Variants in GALNT13 observed in about 807,000 individuals in gnomAD.
GALNT13 encodes the protein UDP-GalNAc:polypeptide N-acetylgalactosaminyltransferase 13.
In GALNT13, 28 loss-of-function variants were observed where a neutral mutation model predicts 64.2. The observed-to-expected ratio is 0.44, with a 90% CI of 0.32 to 0.60. The LOEUF is 0.60. Ranked by LOEUF, GALNT13 falls within the 20% of genes least tolerant of loss-of-function variation. The pLI, the probability that GALNT13 is intolerant of heterozygous loss-of-function variation, is 0.05. For missense variants in GALNT13, 577 were observed against 669.8 expected (o/e 0.86, Z 1.53); for synonymous variants, 214 against 224.6 (o/e 0.95, Z 0.42).
the GALNT13 span, chr2:153,208,007 C>T: frequency 6.6e-6 from 1 of 152,034 alleles, no homozygotes; most frequent in Non-Finnish European, 1.5e-5. Flanking sequence ...AGTAGACATT[C>T]TTAAGGAACA....
intron 4 of GALNT13, among the ~76,000 whole-genome samples, chr2:154,171,531 T>C (rs954936941): frequency 3.9e-5 from 6 of 152,124 alleles, no homozygotes; most frequent in African/African-American, 1.4e-4. Flanking sequence ...AAGAGGTTAC[T>C]TGACTTGCCT....
chr2:153,412,331 CAGTT>C, the GALNT13 span, among the ~76,000 whole-genome samples: 37 of 152,272 alleles, frequency 2.4e-4, 1 homozygote, highest in Middle Eastern at 3.4e-3. Context: ...TCAAATATGT[CAGTT>C]AGCCTCTTTG....
chr2:153,127,247 G>C, the GALNT13 span, among the ~76,000 whole-genome samples: 1 of 152,082 alleles, frequency 6.6e-6, no homozygotes, highest in African/African-American at 2.4e-5. Flanking sequence ...GCTTACTAGA[G>C]TTCCTGAACC....
At chr2:154,315,820 G>C (rs555248200) in intron 9 of GALNT13, among the ~76,000 whole-genome samples, 1 of 152,272 alleles carries the variant, frequency 6.6e-6, no homozygotes, top group Non-Finnish European at 1.5e-5. Context: ...ACTGAATTAA[G>C]ATATATTCTA....
intron 3 of GALNT13, among the ~76,000 whole-genome samples, chr2:154,086,555 A>G (rs1701538345): frequency 6.6e-6 from 1 of 151,662 alleles, no homozygotes; most frequent in Non-Finnish European, 1.5e-5. Flanking sequence ...TTTTGATTGT[A>G]TGCATTTTTA....
the GALNT13 span, among the ~76,000 whole-genome samples, chr2:153,282,533 G>A: frequency 1.3e-5 from 2 of 152,094 alleles, no homozygotes; most frequent in Non-Finnish European, 2.9e-5. Context: ...TCCCACTTCA[G>A]CCTCCCAACT....
the GALNT13 span, among the ~76,000 whole-genome samples, chr2:153,811,424 A>G: frequency 6.6e-6 from 1 of 152,224 alleles, no homozygotes; most frequent in South Asian, 2.1e-4. Context: ...TCAAATTTAA[A>G]GTGTAATCAT....
At chr2:153,339,133 A>G in the GALNT13 span, among the ~76,000 whole-genome samples, 1 of 152,244 alleles carries the variant, frequency 6.6e-6, no homozygotes, top group Non-Finnish European at 1.5e-5. Context: ...CTTTGGATAT[A>G]TATCCAGTAA....
Position 154,259,158 on chromosome 2 carries a change from T to C in GALNT13, c.975+20T>C. On this transcript the variant is annotated intron_variant, in intron 8 of 12. Transcript: ENST00000392825. ...TTTAGGGTAATTGCATTTTATTTTATTTTTTGATGCTGAACATACAATGCT... is the reference window on the plus strand; with the variant it reads ...TTTAGGGTAATTGCATTTTATTTTACTTTTTGATGCTGAACATACAATGCT... The C allele has an allele frequency of 7.7e-7, 1 of 1,305,152 alleles. No individual in the cohort carries two copies. Among genetic ancestry groups the C allele is most frequent in the Non-Finnish European group, 1.1e-6 (1 of 901,898 alleles). The allele number at this position is 1,305,152 out of a possible 1,614,324, so 80.8% of individuals were successfully genotyped here. A position where few individuals can be genotyped will look rare whatever the true frequency, so the allele number is the denominator to read the frequency against.
At chr2:154,306,618 T>TG (rs70983716) in intron 9 of GALNT13, among the ~76,000 whole-genome samples, 41,615 of 126,386 alleles carry the variant, frequency 0.33, 6,872 homozygotes, top group Middle Eastern at 0.46. Context: ...GATAATTTGG[T>TG]GGGGGGGGGG....
chr2:153,081,386 G>C, the GALNT13 span, among the ~76,000 whole-genome samples: 1 of 152,060 alleles, frequency 6.6e-6, no homozygotes, highest in Non-Finnish European at 1.5e-5. Context: ...CACTCTTTAC[G>C]TTATTTTAAA....
chr2:153,940,410 A>C (rs1282834018), intron 2 of GALNT13, among the ~76,000 whole-genome samples: 1 of 151,802 alleles, frequency 6.6e-6, no homozygotes, highest in Non-Finnish European at 1.5e-5. Context: ...GGAGTCCGCC[A>C]CCACGCCCAG....
At chr2:153,544,593 A>T in the GALNT13 span, among the ~76,000 whole-genome samples, 5 of 152,240 alleles carry the variant, frequency 3.3e-5, no homozygotes, top group Non-Finnish European at 7.3e-5. Flanking sequence ...GAATGAGGCA[A>T]ATTGAGGAAA....
the GALNT13 span, among the ~76,000 whole-genome samples, chr2:153,769,267 C>A: frequency 4.6e-5 from 7 of 152,196 alleles, no homozygotes; most frequent in African/African-American, 1.7e-4. Context: ...CCTCTCTGAG[C>A]CAGTCAAGTA....
chr2:153,856,859 A>T, the GALNT13 span, among the ~76,000 whole-genome samples: 22 of 152,304 alleles, frequency 1.4e-4, no homozygotes, highest in East Asian at 4.2e-3. Flanking sequence ...TACTAGAAAC[A>T]ATCCAAATGA....
chr2:154,175,668 A>C (rs574538492), intron 4 of GALNT13, among the ~76,000 whole-genome samples: 82 of 152,306 alleles, frequency 5.4e-4, no homozygotes, highest in African/African-American at 1.9e-3. Context: ...AAAATACCAA[A>C]AAATATATAT....
downstream of GALNT13, among the ~76,000 whole-genome samples, chr2:154,455,274 GCT>G (rs1291339129): frequency 8.5e-5 from 13 of 152,232 alleles, no homozygotes; most frequent in Middle Eastern, 3.4e-3. Context: ...GATCGTATCT[GCT>G]CACAACCATT....
At chr2:153,795,241 A>G in the GALNT13 span, among the ~76,000 whole-genome samples, 1 of 152,232 alleles carries the variant, frequency 6.6e-6, no homozygotes, top group South Asian at 2.1e-4. Flanking sequence ...CACATTATTT[A>G]AAGCATTTAG....
chr2:153,074,752 T>C, the GALNT13 span, among the ~76,000 whole-genome samples: 5 of 152,190 alleles, frequency 3.3e-5, no homozygotes, highest in African/African-American at 1.2e-4. Flanking sequence ...TTGATTATTA[T>C]TTTTGGAGAT....
Sources: gnomAD v4.1 joint callset for allele counts (sites outside exome capture counted in the v4.1 genomes callset) on GRCh38, gnomAD v4.1.1 for gene constraint, MANE v1.5 for transcripts, NCBI Gene and HGNC (gene_info 2026-07-23, HGNC 2026-07-21) for gene names.